The following COL5A1 variants were observed in gnomAD, a reference collection of about 807,000 sequenced individuals.
COL5A1 encodes the protein collagen alpha-1(V) chain.
Under a neutral mutation model 263.7 loss-of-function variants are expected in COL5A1, and 16 were observed. That is an observed-to-expected ratio of 0.06 (90% CI 0.04 to 0.09). The LOEUF (loss-of-function observed/expected upper bound fraction) is 0.09. Among genes scored for constraint, COL5A1 ranks in the 10% least tolerant of loss-of-function variants. The pLI is 1.00. For synonymous variants in COL5A1, 1,012 were observed against 1,004.5 expected, an observed-to-expected ratio of 1.01 and a Z score of -0.14; for missense variants, 2,036 against 2,540.5, an observed-to-expected ratio of 0.80 and a Z score of 4.27.
chr9:134,708,084 G>A (rs907377876), intron 4 of COL5A1, among the ~76,000 whole-genome samples: 12 of 152,346 alleles, frequency 7.9e-5, no homozygotes, highest in African/African-American at 2.4e-4. Flanking sequence ...TGAGAGGACT[G>A]GGGAGGTGTC....
At chr9:134,795,384 G>A (rs1446472139) in intron 34 of COL5A1, 69 bp downstream of exon 34, 34 of 1,296,140 alleles carry the variant, frequency 2.6e-5, no homozygotes, top group Admixed American at 1.1e-4. Flanking sequence ...GACGTGGAGC[G>A]TCTGAGGGTG....
chr9:134,745,091 G>C (rs1490012766), intron 11 of COL5A1, among the ~76,000 whole-genome samples: 3 of 152,218 alleles, frequency 2.0e-5, no homozygotes, highest in Non-Finnish European at 4.4e-5. Context: ...TTAGTCCCCT[G>C]AGGCCACTGA....
chr9:134,758,403 C>G lies in COL5A1; in HGVS notation c.1935+107C>G, dbSNP rs546434250. On this transcript the variant is annotated intron_variant, in intron 18 of 65. Coordinates refer to ENST00000371817, the MANE Select transcript of COL5A1 (RefSeq NM_000093.5). The surrounding 1 kb of genome is among the most constrained non-coding windows in gnomAD (Gnocchi z 4.1). ...CCTCAGATTTCCTGTGGGGTCAGGTCTCCGCCATTCCAACAGTCAGTATAC... is the reference window on the plus strand; with the variant it reads ...CCTCAGATTTCCTGTGGGGTCAGGTGTCCGCCATTCCAACAGTCAGTATAC... 14 of 1,113,022 alleles carry G rather than the reference C, an allele frequency of 1.3e-5. No homozygotes were observed. Among genetic ancestry groups the G allele is most frequent in the Middle Eastern group, 2.0e-4 (1 of 5,118 alleles). 68.9% of individuals were successfully genotyped at this position (1,113,022 alleles called of 1,614,324 possible).
intron 4 of COL5A1, among the ~76,000 whole-genome samples, 200 bp from the exon 5 acceptor site, chr9:134,727,066 T>TGGAC (rs1834689479): frequency 1.4e-5 from 2 of 147,592 alleles, no homozygotes; most frequent in African/African-American, 4.9e-5. Context: ...GATGGATGGA[T>TGGAC]GGATGGATGG....
At chr9:134,730,505 CTGGGGCAG>C in intron 7 of COL5A1, 30 bp downstream of exon 7, 1 of 1,613,252 alleles carries the variant, frequency 6.2e-7, no homozygotes, top group Admixed American at 1.7e-5. Flanking sequence ...TTGGTTTGGT[CTGGGGCAG>C]TGGGCCAAGG....
intron 4 of COL5A1, among the ~76,000 whole-genome samples, chr9:134,719,549 T>TG (rs1265358413): frequency 1.3e-5 from 2 of 152,122 alleles, no homozygotes; most frequent in Admixed American, 1.3e-4. Context: ...CTGCGTCCAG[T>TG]GGGTGTTTGG....
At chr9:134,649,491 C>T (rs1320255900) in intron 1 of COL5A1, 1 of 471,112 alleles carries the variant, frequency 2.1e-6, no homozygotes, top group Non-Finnish European at 4.4e-6. Context: ...TTTCTGTTTC[C>T]TAGACCCGTG....
At chr9:134,698,467 G>C (rs532778036) in intron 2 of COL5A1, among the ~76,000 whole-genome samples, 2 of 152,382 alleles carry the variant, frequency 1.3e-5, no homozygotes, top group Admixed American at 1.3e-4. Context: ...TTTGCCTGGA[G>C]TAGTGGCCCC....
At chr9:134,822,726 C>G (rs113171199) in intron 59 of COL5A1, among the ~76,000 whole-genome samples, 40 of 150,628 alleles carry the variant, frequency 2.7e-4, no homozygotes, top group African/African-American at 8.8e-4. Context: ...CTGCGCCCCC[C>G]CCGCGGCTGT....
Position 134,844,497 on chromosome 9 carries a change from C to T in COL5A1, c.*2194C>T, listed in dbSNP as rs951288423. Reference sequence around the variant, plus strand: ...CAAAATGTGTCCCGTTCTCCCCAGACCACTCTAGCCACAGTATATTGCAAT... The same window carrying T: ...CAAAATGTGTCCCGTTCTCCCCAGATCACTCTAGCCACAGTATATTGCAAT... On this transcript the variant is annotated 3_prime_UTR_variant, in exon 66 of 66. Transcript: ENST00000371817. The T allele has an allele frequency of 3.3e-5, 5 of 152,572 alleles. No individual in the cohort carries two copies. The South Asian group carries it at 1.0e-3, about 32-fold the overall frequency. The allele number at this position is 152,572 out of a possible 1,614,324, so 9.5% of individuals were successfully genotyped here.
In COL5A1 at chr9:134,696,316, G is replaced by A. The variant is rs945516049; in HGVS notation, c.278-3593G>A. On this transcript the variant is annotated intron_variant, in intron 2 of 65. Transcript: ENST00000371817. The surrounding 1 kb of genome is among the most constrained non-coding windows in gnomAD (Gnocchi z 4.3). ...AGCCCCCCGAGTAGTTGGGATTACA[G>A]GTGTGTGCCACCACACCCGGCTAAT... 9.9e-5 allele frequency among the ~76,000 whole-genome samples: 15 copies of A among 152,050 alleles called. No homozygotes were observed. Among genetic ancestry groups the A allele is most frequent in the Non-Finnish European group, 1.9e-4 (13 of 68,022 alleles).
intron 9 of COL5A1, among the ~76,000 whole-genome samples, chr9:134,737,028 C>T (rs960332749): frequency 6.6e-6 from 1 of 152,248 alleles, no homozygotes; most frequent in African/African-American, 2.4e-5. Flanking sequence ...CTCGTCCTTG[C>T]TGCCCTCCCA....
At position 134,760,355 on chromosome 9, in the gene COL5A1, CCA is replaced by C. The variant is rs761553483; in HGVS notation, c.1936-1565_1936-1564del. 1.8e-3 allele frequency among the ~76,000 whole-genome samples: 162 copies of C among 91,154 alleles called. 1 individual carries two copies. The highest frequency in any genetic ancestry group is 2.9e-3 in the Non-Finnish European group (144 of 49,810). The allele number at this position is 91,154 out of a possible 152,430, so 59.8% of individuals were successfully genotyped here. A position where few individuals can be genotyped will look rare whatever the true frequency, so the allele number is the denominator to read the frequency against. ...CATGCACACACACCCCCACACACCC[CCA>C]CACATACACACACACCACACATGCA... is the stretch of plus-strand genomic sequence containing the variant. On this transcript the variant is annotated intron_variant, in intron 18 of 65. Coordinates refer to ENST00000371817, the MANE Select transcript of COL5A1 (RefSeq NM_000093.5).
intron 64 of COL5A1, among the ~76,000 whole-genome samples, chr9:134,832,059 GTTT>G: frequency 6.6e-6 from 1 of 152,228 alleles, no homozygotes; most frequent in African/African-American, 2.4e-5. Context: ...GAGCCCAGGA[GTTT>G]GAGACCAGCC....
chr9:134,717,541 C>T (rs559610131), intron 4 of COL5A1, among the ~76,000 whole-genome samples: 16 of 152,318 alleles, frequency 1.1e-4, no homozygotes, highest in African/African-American at 3.4e-4. Flanking sequence ...GTGGCTCTCC[C>T]GGCCTCCGTC....
intron 4 of COL5A1, among the ~76,000 whole-genome samples, chr9:134,705,982 C>A (rs1319544772): frequency 6.6e-6 from 1 of 152,222 alleles, no homozygotes; most frequent in South Asian, 2.1e-4. Context: ...CTGCACCTGC[C>A]ATCACAGCAG....
intron 65 of COL5A1, among the ~76,000 whole-genome samples, chr9:134,838,731 T>C (rs7870784): frequency 0.16 from 24,106 of 152,224 alleles, 3,912 homozygotes; most frequent in African/African-American, 0.4. Context: ...TCCCCAGGGC[T>C]GTTCTACTTC....
chr9:134,687,912 G>A (rs1833135689), intron 1 of COL5A1, among the ~76,000 whole-genome samples: 1 of 152,204 alleles, frequency 6.6e-6, no homozygotes, highest in Admixed American at 6.5e-5. Flanking sequence ...CCCTCTGGTG[G>A]GGGGTGCCAC....
chr9:134,693,887 A>G (rs1321360730), intron 2 of COL5A1, among the ~76,000 whole-genome samples: 3 of 151,786 alleles, frequency 2.0e-5, no homozygotes, highest in African/African-American at 4.8e-5. Context: ...CGCGCCAGCC[A>G]CTCGTGTGGG....
Sources: gnomAD v4.1 joint callset for allele counts (sites outside exome capture counted in the v4.1 genomes callset) on GRCh38, gnomAD v4.1.1 for gene constraint, Gnocchi (gnomAD v3.1) non-coding constraint, MANE v1.5 for transcripts, NCBI Gene and HGNC (gene_info 2026-07-23, HGNC 2026-07-21) for gene names.